Variants in RFX3 observed in about 807,000 individuals in gnomAD.
RFX3 encodes the protein regulatory factor X3.
Under a neutral mutation model 98.6 loss-of-function variants are expected in RFX3, and 14 were observed. The ratio of observed to expected loss-of-function variants is 0.14; its 90% CI spans 0.09 to 0.22. The LOEUF (loss-of-function observed/expected upper bound fraction) is 0.22. Ranked by LOEUF, RFX3 falls within the 10% of genes least tolerant of loss-of-function variation. RFX3 has a pLI of 1.00. For missense variants in RFX3, 639 were observed against 926.9 expected, an observed-to-expected ratio of 0.69 and a Z score of 4.03; for synonymous variants, 383 against 328.4, an observed-to-expected ratio of 1.17 and a Z score of -1.80.
intron 1 of RFX3, among the ~76,000 whole-genome samples, chr9:3,493,803 A>T (rs913037929): frequency 6.6e-6 from 1 of 150,380 alleles, no homozygotes; most frequent in Non-Finnish European, 1.5e-5. Context: ...TTTCCTTTCC[A>T]GTCCATCTGC....
At chr9:3,467,065 TATAA>T (rs1453993035) in intron 1 of RFX3, among the ~76,000 whole-genome samples, 2 of 144,452 alleles carry the variant, frequency 1.4e-5, no homozygotes, top group African/African-American at 5.1e-5. Context: ...CATACATATA[TATAA>T]GTATATATGT....
At position 3,222,204 on chromosome 9, in the gene RFX3, A is replaced by T. The variant is rs1817372591; in HGVS notation, c.*2838T>A. The T allele has an allele frequency of 6.6e-6, 1 of 152,188 alleles. No homozygotes were observed. The highest frequency in any genetic ancestry group is 1.5e-5 in the Non-Finnish European group (1 of 67,994). The allele number at this position is 152,188 out of a possible 1,614,324, so 9.4% of individuals were successfully genotyped here. On this transcript the variant is annotated 3_prime_UTR_variant, in exon 17 of 17. Coordinates refer to ENST00000617270, the MANE Select transcript of RFX3 (RefSeq NM_001282116.2). ...TTACTGTGAACTACAAATAACTAGA[A>T]GTAGCATAAACCATAGGTCTTCTTT...
intron 2 of RFX3, among the ~76,000 whole-genome samples, chr9:3,372,468 T>C (rs1463640264): frequency 6.6e-6 from 1 of 152,186 alleles, no homozygotes; most frequent in African/African-American, 2.4e-5. Flanking sequence ...CAGAGTCTGC[T>C]TCTTTAGTAC....
At chr9:3,320,359 C>G (rs1308611005) in intron 4 of RFX3, among the ~76,000 whole-genome samples, 1 of 151,956 alleles carries the variant, frequency 6.6e-6, no homozygotes, top group Non-Finnish European at 1.5e-5. Context: ...TTGAGACCAG[C>G]CTGGCCAAAA....
At chr9:3,424,355 T>TC (rs1843758093) in intron 1 of RFX3, among the ~76,000 whole-genome samples, 1 of 94,560 alleles carries the variant, frequency 1.1e-5, no homozygotes, top group South Asian at 4.1e-4. Flanking sequence ...TGACTTTTTT[T>TC]TTTTTTTTTT....
chr9:3,356,535 T>C (rs1161162755), intron 2 of RFX3, among the ~76,000 whole-genome samples: 1 of 151,724 alleles, frequency 6.6e-6, no homozygotes, highest in Non-Finnish European at 1.5e-5. Context: ...CACTGGTAAA[T>C]TGTAGGAAAC....
At chr9:3,434,172 T>G (rs1473265046) in intron 1 of RFX3, among the ~76,000 whole-genome samples, 1 of 152,118 alleles carries the variant, frequency 6.6e-6, no homozygotes, top group African/African-American at 2.4e-5. Context: ...ATAAGCCCCA[T>G]GAGAAGAGAG....
intron 2 of RFX3, among the ~76,000 whole-genome samples, chr9:3,393,346 C>A (rs761510431): frequency 1.3e-5 from 2 of 151,798 alleles, no homozygotes; most frequent in Non-Finnish European, 2.9e-5. Flanking sequence ...CCTATTAAGA[C>A]CTGGTGTAAA....
At chr9:3,474,539 C>T (rs565049135) in intron 1 of RFX3, among the ~76,000 whole-genome samples, 32 of 152,280 alleles carry the variant, frequency 2.1e-4, no homozygotes, top group African/African-American at 5.1e-4. Flanking sequence ...ATATCAATGA[C>T]GCTTTTAAAA....
chr9:3,280,908 C>A (rs1398052369), intron 7 of RFX3, among the ~76,000 whole-genome samples: 2 of 151,652 alleles, frequency 1.3e-5, no homozygotes, highest in African/African-American at 2.4e-5. Flanking sequence ...AGAAAAACAT[C>A]ATTTTAAACA....
chr9:3,257,488 A>G (rs1281244470), intron 13 of RFX3, among the ~76,000 whole-genome samples: 1 of 152,228 alleles, frequency 6.6e-6, no homozygotes, highest in Non-Finnish European at 1.5e-5. Context: ...AGACTAAAAT[A>G]CATGATGACT....
intron 2 of RFX3, among the ~76,000 whole-genome samples, chr9:3,371,704 G>T (rs1706486056): frequency 6.6e-6 from 1 of 152,124 alleles, no homozygotes; most frequent in Non-Finnish European, 1.5e-5. Context: ...CTAAATGATT[G>T]AGAAATGGCA....
intron 9 of RFX3, among the ~76,000 whole-genome samples, chr9:3,273,154 C>T (rs1198460669): frequency 2.0e-4 from 30 of 152,108 alleles, no homozygotes; most frequent in Admixed American, 1.8e-3. Flanking sequence ...ATTCTACTGG[C>T]TTAGGGCAAA....
intron 1 of RFX3, among the ~76,000 whole-genome samples, chr9:3,498,180 T>C (rs1851246763): frequency 6.6e-6 from 1 of 151,988 alleles, no homozygotes; most frequent in African/African-American, 2.4e-5. Flanking sequence ...AAAGGAGAAA[T>C]GTTAACTTAC....
intron 1 of RFX3, among the ~76,000 whole-genome samples, chr9:3,409,282 G>C (rs139147876): frequency 6.6e-6 from 1 of 152,292 alleles, no homozygotes; most frequent in African/African-American, 2.4e-5. Flanking sequence ...TAAGTACATT[G>C]TATACTTCCC....
chr9:3,314,378 A>C (rs1275112482), intron 4 of RFX3, among the ~76,000 whole-genome samples: 1 of 152,240 alleles, frequency 6.6e-6, no homozygotes, highest in African/African-American at 2.4e-5. Flanking sequence ...GGAAGCACTG[A>C]ACATGGAAAC....
chr9:3,293,386 G>T, intron 5 of RFX3, 128 bp from the exon 6 acceptor site: 2 of 621,882 alleles, frequency 3.2e-6, no homozygotes, highest in Non-Finnish European at 2.6e-6. Flanking sequence ...AGAGTAAACT[G>T]CTATAATTCA....
At chr9:3,421,315 C>A (rs1471188102) in intron 1 of RFX3, among the ~76,000 whole-genome samples, 1 of 152,088 alleles carries the variant, frequency 6.6e-6, no homozygotes. Flanking sequence ...GGAGAAGAAA[C>A]CCCTATTGAT....
chr9:3,247,066 G>A, intron 15 of RFX3: 1 of 982,736 alleles, frequency 1.0e-6, no homozygotes, highest in Non-Finnish European at 1.2e-6. Context: ...ATTTATATAA[G>A]CACATACACA....
Sources: allele counts gnomAD v4.1 joint callset (sites outside exome capture counted in the v4.1 genomes callset), GRCh38; gene constraint gnomAD v4.1.1; transcripts MANE v1.5; gene names NCBI Gene and HGNC (gene_info 2026-07-23, HGNC 2026-07-21).